Variants in ADCY8 observed in about 807,000 individuals in gnomAD.
ADCY8 encodes adenylate cyclase type 8.
ADCY8 carries 51 observed loss-of-function variants against 119.7 expected under a neutral mutation model. That is an observed-to-expected ratio of 0.43 (90% CI 0.34 to 0.54). ADCY8 has a LOEUF of 0.54. Ranked by LOEUF, ADCY8 falls within the 20% of genes least tolerant of loss-of-function variation. The pLI, the probability that ADCY8 is intolerant of heterozygous loss-of-function variation, is 0.03. For synonymous variants in ADCY8, 665 were observed against 651.0 expected, an observed-to-expected ratio of 1.02 and a Z score of -0.33; for missense variants, 1,383 against 1,598.8, an observed-to-expected ratio of 0.87 and a Z score of 2.30.
At chr8:130,930,805 GT>G (rs1184754813) in intron 5 of ADCY8, among the ~76,000 whole-genome samples, 11 of 151,728 alleles carry the variant, frequency 7.2e-5, no homozygotes, top group Non-Finnish European at 7.4e-5. Context: ...TAGTAGTTTT[GT>G]TTTTTTATCC....
rs118004664 is a variant in ADCY8, at chr8:130,989,347, A to T, written c.1110+1046T>A. Among the ~76,000 whole-genome samples the T allele has an allele frequency of 3.0e-3, 463 of 152,310 alleles. 3 individuals are homozygous for T. Among genetic ancestry groups the T allele is most frequent in the Middle Eastern group, 0.01 (3 of 294 alleles). The stretch of plus-strand genomic sequence containing the variant: ...ACGGACCTGGCTTCACTTACTTCAA[A>T]GATCCCTGACTTCCTGGTGATTTGA... On this transcript the variant is annotated intron_variant, in intron 2 of 17. Coordinates refer to ENST00000286355, the MANE Select transcript of ADCY8 (RefSeq NM_001115.3).
At chr8:130,850,046 A>AT (rs1196592261) in intron 9 of ADCY8, among the ~76,000 whole-genome samples, 3 of 152,134 alleles carry the variant, frequency 2.0e-5, no homozygotes, top group African/African-American at 4.8e-5. Context: ...GCTCCTGCCC[A>AT]TTTTTTCCCT....
At chr8:130,886,166 T>C (rs1818973766) in intron 7 of ADCY8, among the ~76,000 whole-genome samples, 1 of 152,050 alleles carries the variant, frequency 6.6e-6, no homozygotes, top group Non-Finnish European at 1.5e-5. Flanking sequence ...TCTAAAGCAT[T>C]CTATAGCAAG....
intron 14 of ADCY8, among the ~76,000 whole-genome samples, chr8:130,808,093 A>C (rs1370482740): frequency 1.3e-5 from 2 of 151,034 alleles, no homozygotes; most frequent in African/African-American, 2.4e-5. Flanking sequence ...CCCTTTCAAC[A>C]CTTTATTCCA....
chr8:130,906,719 T>C (rs973506180), intron 6 of ADCY8, among the ~76,000 whole-genome samples: 27 of 151,990 alleles, frequency 1.8e-4, no homozygotes, highest in Non-Finnish European at 1.5e-5. Flanking sequence ...TGGCATTTTC[T>C]GATAAATTTT....
chr8:130,797,924 A>G (rs143378061), intron 15 of ADCY8, among the ~76,000 whole-genome samples: 112 of 152,286 alleles, frequency 7.4e-4, no homozygotes, highest in African/African-American at 2.7e-3. Context: ...TGCAACACAA[A>G]TGATTACAAA....
intron 11 of ADCY8, among the ~76,000 whole-genome samples, chr8:130,841,951 G>A (rs1399229862): frequency 3.3e-5 from 5 of 152,162 alleles, no homozygotes; most frequent in Admixed American, 6.5e-5. Context: ...GCAGAATGTC[G>A]AGCAAGGAGG....
chr8:130,908,097 T>C (rs543896558), intron 6 of ADCY8, among the ~76,000 whole-genome samples: 4 of 152,210 alleles, frequency 2.6e-5, no homozygotes. Context: ...GGCTTTGTAG[T>C]ATTGCATGGT....
intron 1 of ADCY8, among the ~76,000 whole-genome samples, chr8:131,028,381 T>C (rs1823887389): frequency 6.6e-6 from 1 of 152,174 alleles, no homozygotes; most frequent in Non-Finnish European, 1.5e-5. Flanking sequence ...GAGGAGACTT[T>C]GTAGTCACTG....
chr8:131,003,550 G>T (rs116558925), intron 1 of ADCY8, among the ~76,000 whole-genome samples: 1,694 of 152,220 alleles, frequency 0.011, 36 homozygotes, highest in African/African-American at 0.039. Context: ...TTGGGGGAAC[G>T]TCTGTTTACA....
At chr8:130,821,070 T>A (rs1816493736) in intron 13 of ADCY8, among the ~76,000 whole-genome samples, 1 of 152,142 alleles carries the variant, frequency 6.6e-6, no homozygotes, top group African/African-American at 2.4e-5. Flanking sequence ...TTGGGAGGGA[T>A]CCCAGTTTGT....
intron 9 of ADCY8, among the ~76,000 whole-genome samples, chr8:130,867,445 G>A (rs187691048): frequency 2.6e-5 from 4 of 152,172 alleles, no homozygotes; most frequent in Non-Finnish European, 5.9e-5. Flanking sequence ...CCACAAACAG[G>A]TGTTTGCATT....
chr8:130,878,859 A>G (rs1016157265), intron 8 of ADCY8, among the ~76,000 whole-genome samples: 2 of 152,206 alleles, frequency 1.3e-5, no homozygotes, highest in Non-Finnish European at 2.9e-5. Context: ...ATATGGCTTG[A>G]TTATCACAGT....
intron 7 of ADCY8, among the ~76,000 whole-genome samples, chr8:130,893,741 C>A (rs1371215493): frequency 3.6e-5 from 5 of 139,798 alleles, no homozygotes; most frequent in Non-Finnish European, 3.1e-5. Context: ...TGTGGGTGTG[C>A]AAGTTTATGT....
chr8:130,919,077 T>C (rs893153598), intron 5 of ADCY8, among the ~76,000 whole-genome samples: 3 of 152,032 alleles, frequency 2.0e-5, no homozygotes, highest in Non-Finnish European at 4.4e-5. Context: ...AAAGAGAAAG[T>C]GTGTATCCCA....
chr8:131,040,586 T>C lies in ADCY8; in HGVS notation c.-253A>G. The C allele has an allele frequency of 2.6e-6, 1 of 383,594 alleles. No homozygotes were observed. Among genetic ancestry groups the C allele is most frequent in the Non-Finnish European group, 4.6e-6 (1 of 219,228 alleles). 23.8% of individuals were successfully genotyped at this position (383,594 alleles called of 1,614,324 possible). A position where few individuals can be genotyped will look rare whatever the true frequency, so the allele number is the denominator to read the frequency against. On this transcript the variant is annotated 5_prime_UTR_variant, in exon 1 of 18. Transcript: ENST00000286355. ...TGCTCTCCCGCCAGCCGGCGCAGCT[T>C]GGGTACGCAGCGGCAGTGGCTATTT...
intron 8 of ADCY8, among the ~76,000 whole-genome samples, chr8:130,878,688 C>T (rs1294775034): frequency 4.6e-5 from 7 of 152,096 alleles, no homozygotes; most frequent in South Asian, 2.1e-4. Context: ...CAAACAAGAT[C>T]CCCAGATGAT....
rs147920131 is a variant in ADCY8 at position 130,955,841 on chromosome 8, T to G, written c.1111-3843A>C. Among the ~76,000 whole-genome samples the G allele has an allele frequency of 7.7e-3, 1,172 of 152,316 alleles. 19 individuals are homozygous for G. Among genetic ancestry groups the G allele is most frequent in the African/African-American group, 0.026 (1,086 of 41,568 alleles). On this transcript the variant is annotated intron_variant, in intron 2 of 17. Coordinates refer to ENST00000286355, the MANE Select transcript of ADCY8 (RefSeq NM_001115.3). ...AAGCAGTTATTAAATGCAACTCATCTGAAGTTAAATGTGTAGAGCCAGGCC... is the reference window on the plus strand; with the variant it reads ...AAGCAGTTATTAAATGCAACTCATCGGAAGTTAAATGTGTAGAGCCAGGCC...
intron 12 of ADCY8, among the ~76,000 whole-genome samples, chr8:130,822,150 A>G (rs913003968): frequency 1.3e-5 from 2 of 152,082 alleles, no homozygotes; most frequent in Non-Finnish European, 2.9e-5. Flanking sequence ...AATATGATAA[A>G]CTCCGTGGAA....
Sources: allele counts gnomAD v4.1 joint callset (sites outside exome capture counted in the v4.1 genomes callset), GRCh38; gene constraint gnomAD v4.1.1; transcripts MANE v1.5; gene names NCBI Gene and HGNC (gene_info 2026-07-23, HGNC 2026-07-21).